Variants in PARN observed in about 807,000 individuals in gnomAD.
The protein encoded by PARN is poly(A)-specific ribonuclease PARN.
PARN carries 71 observed loss-of-function variants against 102.8 expected under a neutral mutation model. The observed-to-expected ratio is 0.69, with a 90% confidence interval of 0.57 to 0.84. PARN has a LOEUF of 0.84. Among genes scored for constraint, PARN ranks in the 40% least tolerant of loss-of-function variants. The probability of loss-of-function intolerance (pLI) is 0.00; values close to 1 mark genes in which losing one functional copy is unlikely to be tolerated. For synonymous variants in PARN, 261 were observed against 252.9 expected (o/e 1.03, Z -0.30); for missense variants, 782 against 760.9 (o/e 1.03, Z -0.33).
chr16:14,454,550 C>T (rs1419574950), intron 22 of PARN, among the ~76,000 whole-genome samples: 2 of 152,054 alleles, frequency 1.3e-5, no homozygotes, highest in Non-Finnish European at 2.9e-5. Context: ...TTTAGTTCTT[C>T]CATTTAGTTC....
intron 21 of PARN, among the ~76,000 whole-genome samples, chr16:14,486,744 C>A (rs767896819): frequency 6.6e-6 from 1 of 152,218 alleles, no homozygotes; most frequent in African/African-American, 2.4e-5. Context: ...CTCAAAGCCA[C>A]GCCTCTAATG....
rs574814862 is a variant in PARN at position 14,597,661 on chromosome 16, C to T, written c.840+2243G>A. Among the ~76,000 whole-genome samples the T allele has an allele frequency of 2.3e-3, 347 of 151,558 alleles. 3 individuals carry two copies. Among genetic ancestry groups the T allele is most frequent in the African/African-American group, 8.0e-3 (329 of 41,270 alleles). ...GCAGTACGCCAAGATCGCGCCACCG[C>T]GCTCCAGCGTGGGCGACAAAGCAAG... On this transcript the variant is annotated intron_variant, in intron 12 of 23. Transcript: ENST00000437198.
At chr16:14,555,161 A>C (rs745545055) in intron 19 of PARN, among the ~76,000 whole-genome samples, 1 of 152,232 alleles carries the variant, frequency 6.6e-6, no homozygotes, top group Non-Finnish European at 1.5e-5. Context: ...AAGGTAAAAA[A>C]GAGCAGTGAA....
intron 12 of PARN, among the ~76,000 whole-genome samples, chr16:14,597,098 T>C (rs963370556): frequency 1.3e-5 from 2 of 152,070 alleles, no homozygotes; most frequent in Non-Finnish European, 2.9e-5. Context: ...ATTTTTTTCT[T>C]TATAGAAGAA....
intron 22 of PARN, among the ~76,000 whole-genome samples, chr16:14,457,030 T>C (rs532445238): frequency 1.3e-5 from 2 of 152,310 alleles, no homozygotes; most frequent in South Asian, 4.1e-4. Flanking sequence ...GGGCCTGGCA[T>C]AGAGTAAGTC....
intron 20 of PARN, among the ~76,000 whole-genome samples, chr16:14,553,776 T>C (rs770572082): frequency 6.6e-6 from 1 of 152,242 alleles, no homozygotes; most frequent in East Asian, 1.9e-4. Flanking sequence ...AAATTATTTA[T>C]GCTTAGCCAC....
chr16:14,602,756 T>C (rs978247433), intron 11 of PARN, among the ~76,000 whole-genome samples: 1 of 152,120 alleles, frequency 6.6e-6, no homozygotes, highest in Non-Finnish European at 1.5e-5. Flanking sequence ...CCTGGGAGGC[T>C]GTCATGAAAC....
At chr16:14,624,960 G>C (rs942772843) in intron 5 of PARN, among the ~76,000 whole-genome samples, 1 of 151,996 alleles carries the variant, frequency 6.6e-6, no homozygotes, top group Admixed American at 6.6e-5. Flanking sequence ...TGACGCAGGA[G>C]AATCACTTAA....
Position 14,580,944 on chromosome 16 carries a change from C to T in PARN, c.1193-1G>A. ...ATTTTTGGAGGGCTGAGAAAAGAACCTAATGAAGAAAAGAAGAGAGGTATT... is the reference window on the plus strand; with the variant it reads ...ATTTTTGGAGGGCTGAGAAAAGAACTTAATGAAGAAAAGAAGAGAGGTATT... On this transcript the variant is annotated splice_acceptor_variant, in intron 17 of 23. Coordinates refer to ENST00000437198, the MANE Select transcript of PARN (RefSeq NM_002582.4). LOFTEE classifies it high-confidence loss of function. 6.3e-7 allele frequency: 1 copy of T among 1,596,858 alleles called. No homozygotes were observed. Among genetic ancestry groups the T allele is most frequent in the Non-Finnish European group, 8.6e-7 (1 of 1,164,818 alleles).
At chr16:14,580,996 C>A in intron 17 of PARN, 53 bp from the exon 18 acceptor site, 2 of 1,108,388 alleles carry the variant, frequency 1.8e-6, no homozygotes, top group Non-Finnish European at 2.7e-6. Context: ...TAGACCAAGC[C>A]TGAAAGTTCA....
At chr16:14,565,587 C>T (rs1041742756) in intron 18 of PARN, among the ~76,000 whole-genome samples, 1 of 152,250 alleles carries the variant, frequency 6.6e-6, no homozygotes, top group Non-Finnish European at 1.5e-5. Flanking sequence ...ACAAGCCCCA[C>T]ACAATCCAAC....
At chr16:14,482,180 T>C (rs929450418) in intron 22 of PARN, among the ~76,000 whole-genome samples, 4 of 152,152 alleles carry the variant, frequency 2.6e-5, no homozygotes, top group African/African-American at 9.7e-5. Flanking sequence ...GAGCATCACT[T>C]GCATCCAGGA....
At chr16:14,544,883 A>T (rs1441239088) in intron 21 of PARN, among the ~76,000 whole-genome samples, 1 of 152,218 alleles carries the variant, frequency 6.6e-6, no homozygotes, top group African/African-American at 2.4e-5. Flanking sequence ...AATCTAAAAA[A>T]GTCAGTGAAG....
intron 22 of PARN, among the ~76,000 whole-genome samples, chr16:14,480,057 G>C (rs1042694254): frequency 7.9e-5 from 12 of 152,116 alleles, no homozygotes; most frequent in African/African-American, 2.9e-4. Context: ...ATTTGGCTGG[G>C]TCTGGTGGCT....
chr16:14,562,939 T>C (rs1968165141), intron 18 of PARN, among the ~76,000 whole-genome samples: 1 of 152,350 alleles, frequency 6.6e-6, no homozygotes, highest in Non-Finnish European at 1.5e-5. Context: ...CTGTGGCTTA[T>C]CTAAGCCATT....
At chr16:14,582,787 G>A (rs577363303) in intron 16 of PARN, among the ~76,000 whole-genome samples, 1 of 152,106 alleles carries the variant, frequency 6.6e-6, no homozygotes, top group South Asian at 2.1e-4. Flanking sequence ...CATCCCTAAG[G>A]TTCCAGTTTT....
At chr16:14,579,125 T>C (rs1313684929) in intron 18 of PARN, among the ~76,000 whole-genome samples, 1 of 152,040 alleles carries the variant, frequency 6.6e-6, no homozygotes, top group Non-Finnish European at 1.5e-5. Flanking sequence ...TAGCTGGGAA[T>C]ACAGGCTAAT....
chr16:14,630,161 C>T lies in PARN; in HGVS notation c.-36G>A. The stretch of plus-strand genomic sequence containing the variant: ...GGCCGGAACCTTGGCCCCACCCGGG[C>T]CCGCGCCCGCCTCAGCGGTTCTACT... On this transcript the variant is annotated 5_prime_UTR_variant, in exon 1 of 24. Coordinates refer to ENST00000437198, the MANE Select transcript of PARN (RefSeq NM_002582.4). 1 of 1,544,234 alleles carries T rather than the reference C, an allele frequency of 6.5e-7. No individual in the cohort carries two copies. The highest frequency in any genetic ancestry group is 1.2e-5 in the South Asian group (1 of 83,706).
chr16:14,570,757 C>A (rs981935142), intron 18 of PARN, among the ~76,000 whole-genome samples: 1 of 148,910 alleles, frequency 6.7e-6, no homozygotes, highest in African/African-American at 2.5e-5. Flanking sequence ...GTTGGAGGAT[C>A]GCTTGAGCCC....
Sources: gnomAD v4.1 joint callset for allele counts (sites outside exome capture counted in the v4.1 genomes callset) on GRCh38, gnomAD v4.1.1 for gene constraint, MANE v1.5 for transcripts, NCBI Gene and HGNC (gene_info 2026-07-23, HGNC 2026-07-21) for gene names.